The following TWSG1 variants were observed in gnomAD, a reference collection of about 807,000 sequenced individuals.
The protein encoded by TWSG1 is twisted gastrulation BMP signaling modulator 1, also known as twisted gastrulation protein homolog 1.
In TWSG1, 15 loss-of-function variants were observed where a neutral mutation model predicts 23.0. The observed-to-expected ratio is 0.65, with a 90% CI of 0.44 to 1.00. TWSG1 has a LOEUF of 1.00. Ranked by LOEUF, TWSG1 falls within the 50% of genes least tolerant of loss-of-function variation. The probability of loss-of-function intolerance (pLI) is 0.00; values close to 1 mark genes in which losing one functional copy is unlikely to be tolerated. For missense variants in TWSG1, 242 were observed against 278.7 expected, an observed-to-expected ratio of 0.87 and a Z score of 0.94; for synonymous variants, 86 against 92.8, an observed-to-expected ratio of 0.93 and a Z score of 0.42.
chr18:9,343,058 A>T (rs535085035), intron 2 of TWSG1, among the ~76,000 whole-genome samples: 7 of 152,002 alleles, frequency 4.6e-5, no homozygotes, highest in Non-Finnish European at 1.0e-4. Flanking sequence ...CTCTCTAGAA[A>T]CTTTTAGTAT....
chr18:9,356,229 T>G (rs1420282653), intron 2 of TWSG1, among the ~76,000 whole-genome samples: 1 of 152,230 alleles, frequency 6.6e-6, no homozygotes, highest in Non-Finnish European at 1.5e-5. Context: ...TATTACTCTC[T>G]TACACCAGTA....
At chr18:9,393,220 G>T (rs141114309) in intron 3 of TWSG1, among the ~76,000 whole-genome samples, 2 of 152,136 alleles carry the variant, frequency 1.3e-5, no homozygotes, top group Non-Finnish European at 2.9e-5. Context: ...AAAATACAGC[G>T]CAATAAAATA....
intron 3 of TWSG1, among the ~76,000 whole-genome samples, chr18:9,364,017 A>G (rs1240094915): frequency 1.3e-5 from 2 of 152,118 alleles, no homozygotes; most frequent in African/African-American, 4.8e-5. Flanking sequence ...CAGTTGTTTT[A>G]CTCAAATCAA....
chr18:9,335,329 C>T (rs1056091699), intron 1 of TWSG1, among the ~76,000 whole-genome samples: 5 of 152,234 alleles, frequency 3.3e-5, no homozygotes, highest in Non-Finnish European at 7.3e-5. Flanking sequence ...AGTGCCATCT[C>T]CCTTAACGAG....
chr18:9,355,213 C>A (rs372020690), intron 2 of TWSG1, among the ~76,000 whole-genome samples: 67 of 152,302 alleles, frequency 4.4e-4, no homozygotes, highest in African/African-American at 1.3e-3. Flanking sequence ...GCCTTGGCCT[C>A]CCAAAGTGCT....
chr18:9,392,733 G>A (rs1048604373), intron 3 of TWSG1, among the ~76,000 whole-genome samples: 6 of 151,994 alleles, frequency 3.9e-5, no homozygotes, highest in Admixed American at 2.6e-4. Flanking sequence ...AAAAAATACT[G>A]GGTTATTTGT....
intron 2 of TWSG1, among the ~76,000 whole-genome samples, chr18:9,351,861 G>T (rs1257374014): frequency 1.3e-5 from 2 of 151,922 alleles, no homozygotes; most frequent in African/African-American, 2.4e-5. Flanking sequence ...GGCCAGGCTG[G>T]TCTCAAACTC....
In TWSG1 at chr18:9,337,328, T is replaced by C; in HGVS notation, c.99T>C (p.Ser33=). ...SLSCNKALCA[S]DVSKCLIQEL... is the part of the protein sequence containing the mutation. ...GCTGTAACAAAGCACTCTGTGCTAG[T>C]GATGTGAGCAAATGCCTCATTCAGG... Residue 33 remains serine, a synonymous_variant, in exon 2 of 5, where the codon AGT becomes AGC. Coordinates refer to ENST00000262120, the MANE Select transcript of TWSG1 (RefSeq NM_020648.6). 1 of 1,613,610 alleles carries C rather than the reference T, an allele frequency of 6.2e-7. No individual in the cohort carries two copies. Among genetic ancestry groups the C allele is most frequent in the Non-Finnish European group, 8.5e-7 (1 of 1,180,004 alleles).
At chr18:9,389,053 C>T (rs961295275) in intron 3 of TWSG1, among the ~76,000 whole-genome samples, 3 of 151,820 alleles carry the variant, frequency 2.0e-5, no homozygotes, top group Non-Finnish European at 2.9e-5. Context: ...CTTGGCTCAC[C>T]GCAACCTCCA....
At chr18:9,347,886 G>T (rs1378396288) in intron 2 of TWSG1, among the ~76,000 whole-genome samples, 1 of 151,292 alleles carries the variant, frequency 6.6e-6, no homozygotes, top group African/African-American at 2.4e-5. Flanking sequence ...AATTTTTTTT[G>T]CTGGTGGAGG....
chr18:9,391,815 G>C (rs2040714500), intron 3 of TWSG1, among the ~76,000 whole-genome samples: 2 of 152,216 alleles, frequency 1.3e-5, no homozygotes, highest in Non-Finnish European at 2.9e-5. Flanking sequence ...CAGCTGCTGT[G>C]TTAGCAGGAA....
intron 3 of TWSG1, among the ~76,000 whole-genome samples, chr18:9,368,536 G>A (rs2040589978): frequency 6.6e-6 from 1 of 152,084 alleles, no homozygotes; most frequent in Non-Finnish European, 1.5e-5. Context: ...CTTTGGGCTG[G>A]GTGCAGTGGC....
intron 3 of TWSG1, among the ~76,000 whole-genome samples, chr18:9,377,221 C>CA (rs1415623342): frequency 6.9e-5 from 10 of 145,244 alleles, no homozygotes. Flanking sequence ...TTTTCTTTTT[C>CA]TTTTTTTTTT....
Position 9,337,179 on chromosome 18 carries a change from GT to G in TWSG1, c.-37-11del. On this transcript the variant is annotated splice_polypyrimidine_tract_variant and intron_variant, in intron 1 of 4. Coordinates refer to ENST00000262120, the MANE Select transcript of TWSG1 (RefSeq NM_020648.6). ...GCACTTGCCTTTGAATTAAAGTTGT[GT>G]TTGTTTGTTTAGTTTCCTGGGAGTT... is the stretch of plus-strand genomic sequence containing the variant. The G allele has an allele frequency of 5.6e-6, 9 of 1,597,922 alleles. No individual in the cohort carries two copies. The highest frequency in any genetic ancestry group is 7.7e-6 in the Non-Finnish European group (9 of 1,175,630).
intron 2 of TWSG1, among the ~76,000 whole-genome samples, chr18:9,359,403 A>G (rs184677122): frequency 2.2e-4 from 33 of 152,324 alleles, no homozygotes; most frequent in Admixed American, 1.9e-3. Flanking sequence ...CCTAAATTCA[A>G]GAGGTCTAGA....
chr18:9,381,871 A>T (rs567259790), intron 3 of TWSG1, among the ~76,000 whole-genome samples: 2 of 151,868 alleles, frequency 1.3e-5, no homozygotes, highest in South Asian at 4.2e-4. Flanking sequence ...CACCCCTGTT[A>T]CTAGCATCCA....
intron 3 of TWSG1, among the ~76,000 whole-genome samples, chr18:9,380,134 G>A (rs1034491092): frequency 1.3e-5 from 2 of 152,192 alleles, no homozygotes; most frequent in Non-Finnish European, 2.9e-5. Context: ...GATCTAGTCA[G>A]TCATGGAATA....
chr18:9,390,247 G>GC (rs1462243023), intron 3 of TWSG1, among the ~76,000 whole-genome samples: 9 of 151,490 alleles, frequency 5.9e-5, no homozygotes, highest in African/African-American at 9.7e-5. Context: ...TGCAACCTCC[G>GC]CCCCTCCAGG....
intron 3 of TWSG1, among the ~76,000 whole-genome samples, chr18:9,392,501 G>A (rs1457964445): frequency 6.6e-6 from 1 of 152,206 alleles, no homozygotes; most frequent in Admixed American, 6.5e-5. Context: ...TGGCTGGTTT[G>A]ATCTATCCAG....
Sources: gnomAD v4.1 joint callset for allele counts (sites outside exome capture counted in the v4.1 genomes callset) on GRCh38, gnomAD v4.1.1 for gene constraint, MANE v1.5 for transcripts, NCBI Gene and HGNC (gene_info 2026-07-23, HGNC 2026-07-21) for gene names.